PZP: variants seen among roughly 807,000 people sequenced by gnomAD.
PZP encodes PZP alpha-2-macroglobulin like, also known as pregnancy zone protein.
PZP carries 150 observed loss-of-function variants against 179.8 expected under a neutral mutation model. The ratio of observed to expected loss-of-function variants is 0.83; its 90% CI spans 0.73 to 0.96. The LOEUF is 0.96. Among genes scored for constraint, PZP ranks in the 40% least tolerant of loss-of-function variants. The pLI, the probability that PZP is intolerant of heterozygous loss-of-function variation, is 0.00. For missense variants in PZP, 1,689 were observed against 1,764.0 expected (o/e 0.96, Z 0.76); for synonymous variants, 624 against 652.3 (o/e 0.96, Z 0.66).
chr12:9,165,306 C>T lies in PZP; in HGVS notation c.2320G>A (p.Gly774Arg), dbSNP rs142433677. ...GCATCTTCGGACAGGCAGAAGGCCC[C>T]TGCCTTCCACTCGGTGATGGTGTCA... ...VPDTITEWKA[G>R]AFCLSEDAGL... Residue 774 changes from glycine to arginine, a missense_variant, in exon 19 of 36, where the codon GGG (glycine) becomes AGG (arginine). Around this residue, in one of 3 missense-constraint regions of PZP, gnomAD observed 201 missense variants for 284.2 expected, o/e 0.71. Coordinates refer to ENST00000261336, the MANE Select transcript of PZP (RefSeq NM_002864.3). 6.8e-6 allele frequency: 11 copies of T among 1,614,040 alleles called. No individual in the cohort carries two copies. Among genetic ancestry groups the T allele is most frequent in the African/African-American group, 5.3e-5 (4 of 74,924 alleles).
In PZP at chr12:9,158,752, C is replaced by CTTTTTTTTTTTTT. The variant is rs200458490; in HGVS notation, c.3138-177_3138-176insAAAAAAAAAAAAA. ...GACATCTCTTTTTCTTTTTTCTTTT[C>CTTTTTTTTTTTTT]TTTTCTTTTTTTTTTTTTTTTTGCT... On this transcript the variant is annotated intron_variant, in intron 25 of 35. Transcript: ENST00000261336. 1.2e-3 allele frequency among the ~76,000 whole-genome samples: 117 copies of CTTTTTTTTTTTTT among 97,744 alleles called. 1 individual carries two copies. The highest frequency in any genetic ancestry group is 1.6e-3 in the Non-Finnish European group (83 of 50,798). 64.1% of individuals were successfully genotyped at this position (97,744 alleles called of 152,430 possible).
chr12:9,144,698 G>A (rs767846672), downstream of PZP, among the ~76,000 whole-genome samples: 4 of 152,174 alleles, frequency 2.6e-5, no homozygotes, highest in Non-Finnish European at 5.9e-5. Flanking sequence ...GGCTTGGAAT[G>A]TTTCTGTGTG....
chr12:9,167,527 TC>T (rs759016753), intron 17 of PZP: 157 of 152,292 alleles, frequency 1.0e-3, no homozygotes, highest in African/African-American at 3.1e-3. Context: ...GGGTGGGGGT[TC>T]CTTCCGTTGC....
chr12:9,147,953 G>C (rs150302972), downstream of PZP, among the ~76,000 whole-genome samples: 36 of 151,362 alleles, frequency 2.4e-4, no homozygotes, highest in African/African-American at 8.7e-4. Flanking sequence ...ATTTATCCCT[G>C]TTTCTGTAGA....
chr12:9,154,316 A>G (rs1474117219), intron 29 of PZP, among the ~76,000 whole-genome samples: 4 of 152,198 alleles, frequency 2.6e-5, no homozygotes, highest in Admixed American at 6.5e-5. Flanking sequence ...CGAAATGTCA[A>G]TAGTGTTGAT....
At chr12:9,155,006 A>C (rs1940643385) in intron 28 of PZP, among the ~76,000 whole-genome samples, 167 bp from the exon 29 acceptor site, 1 of 152,204 alleles carries the variant, frequency 6.6e-6, no homozygotes, top group African/African-American at 2.4e-5. Flanking sequence ...TTCTATGCTG[A>C]ACTTGATTTA....
At chr12:9,168,232 C>T (rs866221887) in intron 17 of PZP, among the ~76,000 whole-genome samples, 44 of 152,234 alleles carry the variant, frequency 2.9e-4, no homozygotes, top group African/African-American at 1.1e-3. Context: ...ATATGACACA[C>T]CCACTTCACA....
chr12:9,196,356 T>C lies in PZP; in HGVS notation c.1066A>G (p.Arg356Gly), dbSNP rs779961221. Residue 356 changes from arginine (R) to glycine (G), a missense_variant, in exon 10 of 36, where the codon AGA becomes GGA. By Grantham distance (125) the Arg-to-Gly change is moderately radical. This residue lies in a region of PZP where 742 missense variants were observed against 730.5 expected (regional missense o/e 1.02). Transcript: ENST00000261336. ...TGTGCAAAAAAGGGGATTCCTTGTC[T>C]AAAGTGTGAATCCACTTTCACGAAT... ...LKFVKVDSHFRQGIPFFAQVL... is the reference protein window; with the variant it reads ...LKFVKVDSHFGQGIPFFAQVL... 6.2e-7 allele frequency: 1 copy of C among 1,612,570 alleles called. No individual in the cohort carries two copies. The highest frequency in any genetic ancestry group is 8.5e-7 in the Non-Finnish European group (1 of 1,178,628).
chr12:9,197,463 AAT>A (rs1348183330), intron 7 of PZP, among the ~76,000 whole-genome samples: 1 of 131,352 alleles, frequency 7.6e-6, no homozygotes, highest in African/African-American at 3.0e-5. Context: ...AATATATAAT[AAT>A]ATAATATATA....
intron 12 of PZP, 74 bp from the exon 13 acceptor site, chr12:9,192,330 C>T: frequency 6.2e-6 from 9 of 1,445,108 alleles, no homozygotes; most frequent in South Asian, 1.2e-5. Context: ...CCACATGACC[C>T]ACTTTCAGTT....
In PZP at chr12:9,158,531, G is replaced by A. The variant is rs781250857; in HGVS notation, c.3183C>T (p.Tyr1061=). 6.2e-7 allele frequency: 1 copy of A among 1,614,176 alleles called. No individual in the cohort carries two copies. The part of the protein sequence containing the change: ...VLKTFAQARS[Y]IFIDEAHITQ... Reference sequence around the variant, plus strand: ...TAATGTGTGCTTCATCAATGAAGATGTAGGATCGAGCCTGGGCGAAAGTCT... The same window carrying A: ...TAATGTGTGCTTCATCAATGAAGATATAGGATCGAGCCTGGGCGAAAGTCT... Residue 1061 remains tyrosine, a synonymous_variant, in exon 26 of 36, where the codon TAC becomes TAT. Coordinates refer to ENST00000261336, the MANE Select transcript of PZP (RefSeq NM_002864.3).
At chr12:9,167,057 G>A (rs1337279552) in intron 17 of PZP, 1 of 152,184 alleles carries the variant, frequency 6.6e-6, no homozygotes, top group Non-Finnish European at 1.5e-5. Flanking sequence ...AATTTCTTTA[G>A]TGAATATCAT....
At chr12:9,163,937 A>G (rs1292723234) in intron 20 of PZP, 148 bp from the exon 21 acceptor site, 1 of 1,248,924 alleles carries the variant, frequency 8.0e-7, no homozygotes, top group Non-Finnish European at 1.1e-6. Flanking sequence ...TAAGTAGCCA[A>G]TGTCCAAGAT....
At chr12:9,160,138 G>A in intron 24 of PZP, 113 bp from the exon 25 acceptor site, 1 of 1,182,110 alleles carries the variant, frequency 8.5e-7, no homozygotes, top group Non-Finnish European at 1.2e-6. Context: ...TCTGTGATCT[G>A]CCATAGTTTT....
intron 21 of PZP, 96 bp downstream of exon 21, chr12:9,163,572 T>C: frequency 5.1e-6 from 7 of 1,359,590 alleles, no homozygotes; most frequent in Non-Finnish European, 7.1e-6. Flanking sequence ...CAGGATGTAT[T>C]GTGTGAGCAT....
rs778053393 is a variant in PZP at position 9,158,409 on chromosome 12, G to A, written c.3294+11C>T. 2.5e-6 allele frequency: 4 copies of A among 1,613,748 alleles called. No individual in the cohort carries two copies. The highest frequency in any genetic ancestry group is 1.3e-5 in the African/African-American group (1 of 74,914). ...TGTGTGTCAGGCTCAGAAGTTTGTG[G>A]AACAGTTCACCTTTATGGCATTGTT... is the stretch of plus-strand genomic sequence containing the variant. On this transcript the variant is annotated intron_variant, in intron 26 of 35. Transcript: ENST00000261336.
At chr12:9,164,635 T>C (rs990721304) in intron 19 of PZP, among the ~76,000 whole-genome samples, 9 of 152,158 alleles carry the variant, frequency 5.9e-5, no homozygotes, top group Non-Finnish European at 1.0e-4. Flanking sequence ...GTCTAATCCA[T>C]ACAAGACATA....
rs762144009 is a variant in PZP, at chr12:9,152,125, A to T, written c.4212+95T>A. ...GGGAAAAATATTTTTTTGAGGCAGG[A>T]TGATGTTGACATGGTTTTGATATTG... On this transcript the variant is annotated intron_variant, in intron 32 of 35. Coordinates refer to ENST00000261336, the MANE Select transcript of PZP (RefSeq NM_002864.3). 6 of 947,258 alleles carry T rather than the reference A, an allele frequency of 6.3e-6. No individual in the cohort carries two copies. The South Asian group carries it at 8.2e-5, about 13-fold the overall frequency. 58.7% of individuals were successfully genotyped at this position (947,258 alleles called of 1,614,324 possible).
At chr12:9,137,690 A>C in the PZP span, among the ~76,000 whole-genome samples, 1 of 151,998 alleles carries the variant, frequency 6.6e-6, no homozygotes, top group East Asian at 1.9e-4. Flanking sequence ...TTGTGTCTTA[A>C]TTTCTTTCAT....
Sources: allele counts gnomAD v4.1 joint callset (sites outside exome capture counted in the v4.1 genomes callset), GRCh38; gene constraint gnomAD v4.1.1; regional missense constraint gnomAD v4.1.1; transcripts MANE v1.5; gene names NCBI Gene and HGNC (gene_info 2026-07-23, HGNC 2026-07-21).